The following CALR3 variants were observed in gnomAD, a reference collection of about 807,000 sequenced individuals.
CALR3 encodes the protein calreticulin 3.
In CALR3, 39 loss-of-function variants were observed where a neutral mutation model predicts 48.7. That is an observed-to-expected ratio of 0.80 (90% CI 0.62 to 1.05). The LOEUF is 1.05. Ranked by LOEUF, CALR3 falls within the 50% of genes least tolerant of loss-of-function variation. The pLI is 0.00. For synonymous variants in CALR3, 185 were observed against 172.7 expected, an observed-to-expected ratio of 1.07 and a Z score of -0.56; for missense variants, 449 against 474.7, an observed-to-expected ratio of 0.95 and a Z score of 0.50.
intron 3 of CALR3, among the ~76,000 whole-genome samples, chr19:16,485,613 C>T (rs2093387975): frequency 6.6e-6 from 1 of 151,586 alleles, no homozygotes; most frequent in South Asian, 2.1e-4. Flanking sequence ...ACACCACGTG[C>T]AGTCCATTCT....
At chr19:16,489,897 C>A (rs2093395205) in intron 3 of CALR3, among the ~76,000 whole-genome samples, 5 of 152,052 alleles carry the variant, frequency 3.3e-5, no homozygotes, top group African/African-American at 1.2e-4. Context: ...CATCCCAAAT[C>A]AAAAAATCGC....
chr19:16,492,269 C>T (rs1423400079), intron 2 of CALR3, among the ~76,000 whole-genome samples: 3 of 151,932 alleles, frequency 2.0e-5, no homozygotes, highest in Non-Finnish European at 4.4e-5. Context: ...CCAGCCTGGC[C>T]AACGTGGGGA....
chr19:16,485,288 T>A, intron 3 of CALR3, 31 bp from the exon 4 acceptor site: 1 of 1,393,636 alleles, frequency 7.2e-7, no homozygotes, highest in South Asian at 1.2e-5. Context: ...TCTCAATTTC[T>A]TTCCATAATG....
Position 16,485,184 on chromosome 19 carries a change from G to GT in CALR3, c.470dup (p.Asn157LysfsTer8). 1 of 1,606,476 alleles carries GT rather than the reference G, an allele frequency of 6.2e-7. No homozygotes were observed. Among genetic ancestry groups the GT allele is most frequent in the African/African-American group, 1.3e-5 (1 of 74,886 alleles). ...TTACCTTACACCTGATCAGTTTCTT[G>GT]TTTTCGTGATACTTATTCTTGAAAT... is the stretch of plus-strand genomic sequence containing the variant. On this transcript the variant is annotated frameshift_variant, in exon 4 of 9. Transcript: ENST00000269881. LOFTEE classifies it high-confidence loss of function.
chr19:16,486,319 TAAA>T (rs372688610), intron 3 of CALR3, among the ~76,000 whole-genome samples: 2 of 124,042 alleles, frequency 1.6e-5, no homozygotes, highest in African/African-American at 3.0e-5. Context: ...CCGTCTCAAT[TAAA>T]AAAAAAAAAA....
At chr19:16,485,644 T>G (rs2093388008) in intron 3 of CALR3, among the ~76,000 whole-genome samples, 1 of 151,244 alleles carries the variant, frequency 6.6e-6, no homozygotes, top group African/African-American at 2.4e-5. Flanking sequence ...AATCAGATAT[T>G]CACACTAAGA....
At chr19:16,487,100 G>C (rs942689714) in intron 3 of CALR3, among the ~76,000 whole-genome samples, 2 of 151,920 alleles carry the variant, frequency 1.3e-5, no homozygotes, top group African/African-American at 4.8e-5. Context: ...CAAACTCCTC[G>C]GCTCGGGGGA....
intron 7 of CALR3, among the ~76,000 whole-genome samples, chr19:16,482,072 A>G (rs2093381741): frequency 6.6e-6 from 1 of 151,520 alleles, no homozygotes; most frequent in East Asian, 2.0e-4. Flanking sequence ...ACGCCCGGCT[A>G]ATTTTTTTTG....
Position 16,485,178 on chromosome 19 carries a change from TTTC to T in CALR3, c.474_476del (p.Lys159del), listed in dbSNP as rs2093387323. 1.2e-6 allele frequency: 2 copies of T among 1,603,064 alleles called. No individual in the cohort carries two copies. Among genetic ancestry groups the T allele is most frequent in the Non-Finnish European group, 1.7e-6 (2 of 1,170,072 alleles). ...GAGCAGTTACCTTACACCTGATCAG[TTTC>T]TTGTTTTCGTGATACTTATTCTTGA... On this transcript the variant is annotated inframe_deletion, in exon 4 of 9. Coordinates refer to ENST00000269881, the MANE Select transcript of CALR3 (RefSeq NM_145046.5).
In CALR3 at chr19:16,496,033, C is replaced by T. The variant is rs748014562; in HGVS notation, c.91+6G>A. ...ACCTCCGCCACCACGGGCGTGGCCC[C>T]TTCACCTCCGTCTAGAAATTCCTCT... is the stretch of plus-strand genomic sequence containing the variant. On this transcript the variant is annotated splice_donor_region_variant and intron_variant, in intron 1 of 8. Coordinates refer to ENST00000269881, the MANE Select transcript of CALR3 (RefSeq NM_145046.5). 1.1e-5 allele frequency: 18 copies of T among 1,588,872 alleles called. No individual in the cohort carries two copies. In the East Asian group the frequency reaches 3.4e-4, roughly 30 times the overall value.
At chr19:16,488,887 AT>A (rs1374473339) in intron 3 of CALR3, among the ~76,000 whole-genome samples, 1 of 152,098 alleles carries the variant, frequency 6.6e-6, no homozygotes, top group African/African-American at 2.4e-5. Context: ...ATGGTAAAAT[AT>A]TTTTGGCTTT....
chr19:16,496,146 C>A lies in CALR3; in HGVS notation c.-17G>T, dbSNP rs1473415860. The A allele has an allele frequency of 1.3e-6, 2 of 1,575,642 alleles. No individual in the cohort carries two copies. On this transcript the variant is annotated 5_prime_UTR_variant, in exon 1 of 9. Transcript: ENST00000269881. Reference sequence around the variant, plus strand: ...CCGGGCCATGGGGGTGTGCACTGCGCTTCCGGTCGCCGCCACCCCTTAGCT... The same window carrying A: ...CCGGGCCATGGGGGTGTGCACTGCGATTCCGGTCGCCGCCACCCCTTAGCT...
intron 3 of CALR3, among the ~76,000 whole-genome samples, chr19:16,486,154 A>C (rs1389741903): frequency 6.6e-6 from 1 of 151,840 alleles, no homozygotes; most frequent in Non-Finnish European, 1.5e-5. Flanking sequence ...CGTGTGTACT[A>C]AAAATACAAA....
At chr19:16,484,831 G>GT (rs537935563) in intron 4 of CALR3, among the ~76,000 whole-genome samples, 86 of 152,262 alleles carry the variant, frequency 5.6e-4, no homozygotes, top group Admixed American at 2.4e-3. Flanking sequence ...TCTCCAGAAT[G>GT]TTTTTTTCAT....
At chr19:16,492,490 G>A (rs2122146555) in intron 2 of CALR3, among the ~76,000 whole-genome samples, 1 of 152,174 alleles carries the variant, frequency 6.6e-6, no homozygotes, top group East Asian at 1.9e-4. Context: ...CAACACTTTG[G>A]GAGGCCGAGG....
At chr19:16,479,532 G>A (rs1170530722) in intron 8 of CALR3, among the ~76,000 whole-genome samples, 1 of 150,720 alleles carries the variant, frequency 6.6e-6, no homozygotes, top group Non-Finnish European at 1.5e-5. Flanking sequence ...AGCTTGCAGT[G>A]AGCTGAGATC....
At chr19:16,483,736 GTAAA>G (rs1413584358) in intron 5 of CALR3, 190 bp downstream of exon 5, 2 of 598,320 alleles carry the variant, frequency 3.3e-6, no homozygotes, top group Non-Finnish European at 5.9e-6. Context: ...AAATAAATAA[GTAAA>G]TAAATAAATG....
At chr19:16,482,994 G>A (rs891981160) in intron 5 of CALR3, among the ~76,000 whole-genome samples, 7 of 152,070 alleles carry the variant, frequency 4.6e-5, no homozygotes, top group Admixed American at 1.3e-4. Flanking sequence ...ACAGGCGCCC[G>A]CCATCATACC....
In CALR3 at chr19:16,479,105, G is replaced by A. The variant is rs1347600243; in HGVS notation, c.*26C>T. On this transcript the variant is annotated 3_prime_UTR_variant, in exon 9 of 9. Transcript: ENST00000269881. Reference sequence around the variant, plus strand: ...TTAAAGTAGCAATGAGATTTTACCAGTCATCCTTATATCCAATGGGGATCA... The same window carrying A: ...TTAAAGTAGCAATGAGATTTTACCAATCATCCTTATATCCAATGGGGATCA... 5 of 1,613,156 alleles carry A rather than the reference G, an allele frequency of 3.1e-6. No individual in the cohort carries two copies. The highest frequency in any genetic ancestry group is 4.2e-6 in the Non-Finnish European group (5 of 1,179,260).
Sources: gnomAD v4.1 joint callset for allele counts (sites outside exome capture counted in the v4.1 genomes callset) on GRCh38, gnomAD v4.1.1 for gene constraint, MANE v1.5 for transcripts, NCBI Gene and HGNC (gene_info 2026-07-23, HGNC 2026-07-21) for gene names.